TSPEAR: variants seen among roughly 807,000 people sequenced by gnomAD.
The protein encoded by TSPEAR is thrombospondin-type laminin G domain and EAR repeat-containing protein.
A neutral mutation model predicts 71.6 loss-of-function variants in TSPEAR; 69 were observed. The ratio of observed to expected loss-of-function variants is 0.96; its 90% CI spans 0.79 to 1.18. The LOEUF (loss-of-function observed/expected upper bound fraction) is 1.18. Ranked by LOEUF, TSPEAR falls within the 50% of genes most tolerant of loss-of-function variation. The pLI, the probability that TSPEAR is intolerant of heterozygous loss-of-function variation, is 0.00. For synonymous variants in TSPEAR, 402 were observed against 387.2 expected, an observed-to-expected ratio of 1.04 and a Z score of -0.45; for missense variants, 971 against 894.9, an observed-to-expected ratio of 1.09 and a Z score of -1.09.
chr21:44,588,632 C>G (rs1198203193), intron 1 of TSPEAR, among the ~76,000 whole-genome samples: 1 of 149,848 alleles, frequency 6.7e-6, no homozygotes, highest in African/African-American at 2.4e-5. Flanking sequence ...AACCCAAATT[C>G]CCATCAATCA....
chr21:44,515,998 G>T (rs2052554469), intron 9 of TSPEAR: 1 of 152,272 alleles, frequency 6.6e-6, no homozygotes, highest in Non-Finnish European at 1.5e-5. Context: ...GATTCATGTG[G>T]ACACAGGGAC....
chr21:44,535,920 A>AAAG (rs1183104166), intron 2 of TSPEAR, among the ~76,000 whole-genome samples: 1 of 88,420 alleles, frequency 1.1e-5, no homozygotes, highest in African/African-American at 6.4e-5. Context: ...GGAAAAAAGA[A>AAAG]AAAAAAAAAC....
At chr21:44,638,104 C>G (rs782180238) in intron 1 of TSPEAR, 2 of 1,613,564 alleles carry the variant, frequency 1.2e-6, no homozygotes, top group Non-Finnish European at 8.5e-7. Context: ...GTGTTTCCCT[C>G]CTCTGCCGCC....
At chr21:44,529,488 G>A (rs1203204554) in intron 5 of TSPEAR, among the ~76,000 whole-genome samples, 4 of 152,148 alleles carry the variant, frequency 2.6e-5, no homozygotes, top group African/African-American at 9.7e-5. Flanking sequence ...AGATAGCTCT[G>A]GACAGACTTT....
At chr21:44,654,663 G>A (rs587700071) in intron 1 of TSPEAR, 2 of 1,321,776 alleles carry the variant, frequency 1.5e-6, no homozygotes, top group East Asian at 2.5e-5. Context: ...CTGGTCTGGA[G>A]CCTGCTTCCT....
At chr21:44,677,788 G>C (rs1986388118) in intron 1 of TSPEAR, 1 of 1,300,780 alleles carries the variant, frequency 7.7e-7, no homozygotes, top group African/African-American at 1.5e-5. Context: ...GATTTCTTTG[G>C]CAATGGAACA....
At chr21:44,565,949 T>C (rs1453383547) in intron 2 of TSPEAR, among the ~76,000 whole-genome samples, 4 of 152,210 alleles carry the variant, frequency 2.6e-5, no homozygotes, top group African/African-American at 9.7e-5. Flanking sequence ...TGGTAGCTCA[T>C]GTCTGTGATC....
rs1555914350 is a variant in TSPEAR, at chr21:44,522,030, G to A, written c.1419C>T (p.Thr473=). Residue 473 remains threonine (T), a synonymous_variant, in exon 9 of 12, where the codon ACC becomes ACT. Coordinates refer to ENST00000323084, the MANE Select transcript of TSPEAR (RefSeq NM_144991.3). The stretch of plus-strand genomic sequence containing the variant: ...AGAACTCCCAGTCGTAGGCGCCGGA[G>A]GTGGCGATGGTCTGGTTGGCCTCGA... The part of the protein sequence containing the change: ...RLFEANQTIA[T]SGAYDWEFFS... 6.2e-7 allele frequency: 1 copy of A among 1,614,216 alleles called. No individual in the cohort carries two copies. The highest frequency in any genetic ancestry group is 1.3e-5 in the African/African-American group (1 of 75,060).
rs782094756 is a variant in TSPEAR at position 44,646,952 on chromosome 21, C to A, written c.82+64481G>T. On this transcript the variant is annotated intron_variant, in intron 1 of 11. Transcript: ENST00000323084. ...TGTGTGTCCACCTGCTCTGAGGATT[C>A]CTCTTCATGCTGCCAGCAGTCTAGC... 3 of 1,612,856 alleles carry A rather than the reference C, an allele frequency of 1.9e-6. No homozygotes were observed. The East Asian group carries it at 6.7e-5, about 36-fold the overall frequency.
chr21:44,592,583 G>A, intron 1 of TSPEAR: 1 of 1,512,548 alleles, frequency 6.6e-7, no homozygotes, highest in Non-Finnish European at 8.9e-7. Flanking sequence ...CGGGCCCACA[G>A]CTTCCCCTTC....
chr21:44,692,909 T>G (rs80128860), intron 1 of TSPEAR, among the ~76,000 whole-genome samples: 1 of 152,080 alleles, frequency 6.6e-6, no homozygotes, highest in Non-Finnish European at 1.5e-5. Context: ...AAAACAATCT[T>G]GAAAAAGAGG....
chr21:44,658,621 C>G (rs1390716632), intron 1 of TSPEAR, among the ~76,000 whole-genome samples: 1 of 152,202 alleles, frequency 6.6e-6, no homozygotes, highest in Admixed American at 6.5e-5. Context: ...AGCACCTCTT[C>G]AGAGAGCCAC....
At chr21:44,560,481 G>A (rs1331245202) in intron 2 of TSPEAR, among the ~76,000 whole-genome samples, 3 of 152,124 alleles carry the variant, frequency 2.0e-5, no homozygotes, top group African/African-American at 7.2e-5. Flanking sequence ...GGATCAAATG[G>A]ACCTAATAGA....
rs928475454 is a variant in TSPEAR at position 44,506,420 on chromosome 21, G to A, written c.1755-1539C>T. Among the ~76,000 whole-genome samples the A allele has an allele frequency of 1.3e-5, 2 of 152,270 alleles. No homozygotes were observed. The highest frequency in any genetic ancestry group is 1.3e-4 in the Admixed American group (2 of 15,294). Reference sequence around the variant, plus strand: ...AGCCTCAGGGCTGTGGCCAGTTCAGGCAGCAGAGGGGCCTCATCCCGGTGC... The same window carrying A: ...AGCCTCAGGGCTGTGGCCAGTTCAGACAGCAGAGGGGCCTCATCCCGGTGC... On this transcript the variant is annotated intron_variant, in intron 10 of 11. Transcript: ENST00000323084. The surrounding 1 kb of genome is among the most constrained non-coding windows in gnomAD (Gnocchi z 4.2).
intron 1 of TSPEAR, chr21:44,697,034 ACTCCCTCCCTCCTGCC>A: frequency 2.2e-6 from 2 of 900,570 alleles, no homozygotes; most frequent in Non-Finnish European, 1.6e-6. Context: ...ACGCTCACTC[ACTCCCTCCCTCCTGCC>A]CATCCAGCAC....
In TSPEAR at chr21:44,499,075, G is replaced by C. The variant is rs1478151728; in HGVS notation, c.*708C>G. On this transcript the variant is annotated 3_prime_UTR_variant, in exon 12 of 12. Transcript: ENST00000323084. Reference sequence around the variant, plus strand: ...CATGTGATTAAAATGCTGCTGAATAGGGAAAAAATCCCGGGCCCAGAAGTT... The same window carrying C: ...CATGTGATTAAAATGCTGCTGAATACGGAAAAAATCCCGGGCCCAGAAGTT... The C allele has an allele frequency of 2.0e-5, 3 of 152,266 alleles. No individual in the cohort carries two copies. The highest frequency in any genetic ancestry group is 7.2e-5 in the African/African-American group (3 of 41,460). 9.4% of individuals were successfully genotyped at this position (152,266 alleles called of 1,614,324 possible).
At chr21:44,681,251 G>A (rs535599643) in intron 1 of TSPEAR, among the ~76,000 whole-genome samples, 1 of 152,218 alleles carries the variant, frequency 6.6e-6, no homozygotes, top group Non-Finnish European at 1.5e-5. Flanking sequence ...CAACCACATG[G>A]GAAAGCCCGA....
At position 44,612,953 on chromosome 21, in the gene TSPEAR, C is replaced by T. The variant is rs797024496; in HGVS notation, c.83-44948G>A. The T allele has an allele frequency of 5.7e-6, 9 of 1,577,658 alleles. No individual in the cohort carries two copies. In the African/African-American group the frequency reaches 1.2e-4, roughly 21 times the overall value. On this transcript the variant is annotated intron_variant, in intron 1 of 11. Coordinates refer to ENST00000323084, the MANE Select transcript of TSPEAR (RefSeq NM_144991.3). This position sits in a 1 kb window ranked among gnomAD's most constrained non-coding sequence, Gnocchi z 4.1. ...AGGGCCAGCCGGCTCCGGTCCTGTC[C>T]TGGGTTAAGTGGCTGCCCCTACCTG...
At chr21:44,667,368 G>C (rs1442626230) in intron 1 of TSPEAR, among the ~76,000 whole-genome samples, 1 of 152,194 alleles carries the variant, frequency 6.6e-6, no homozygotes. Flanking sequence ...TGAGAGCTTA[G>C]AGCTGGATGA....
Sources: gnomAD v4.1 joint callset for allele counts (sites outside exome capture counted in the v4.1 genomes callset) on GRCh38, gnomAD v4.1.1 for gene constraint, Gnocchi (gnomAD v3.1) non-coding constraint, MANE v1.5 for transcripts, NCBI Gene and HGNC (gene_info 2026-07-23, HGNC 2026-07-21) for gene names.